The following NAV2 variants were observed in gnomAD, a reference collection of about 807,000 sequenced individuals.
The protein encoded by NAV2 is neuron navigator 2, also known as helicase, APC down-regulated 1.
Under a neutral mutation model 223.2 loss-of-function variants are expected in NAV2, and 54 were observed. The observed-to-expected ratio is 0.24, with a 90% CI of 0.19 to 0.30. NAV2 has a LOEUF of 0.30. Among genes scored for constraint, NAV2 ranks in the 10% least tolerant of loss-of-function variants. The pLI is 1.00. For synonymous variants in NAV2, 1,279 were observed against 1,239.3 expected, an observed-to-expected ratio of 1.03 and a Z score of -0.67; for missense variants, 2,806 against 3,147.5, an observed-to-expected ratio of 0.89 and a Z score of 2.60.
chr11:19,504,438 C>T (rs1269214605), intron 1 of NAV2: 1 of 152,156 alleles, frequency 6.6e-6, no homozygotes, highest in Non-Finnish European at 1.5e-5. Context: ...AAACTTAAAC[C>T]TTTATTCATG....
At chr11:20,018,780 T>G (rs2054232519) in intron 11 of NAV2, among the ~76,000 whole-genome samples, 2 of 152,130 alleles carry the variant, frequency 1.3e-5, no homozygotes, top group African/African-American at 4.8e-5. Context: ...GTTGATGCCA[T>G]GAAGAAAATC....
At chr11:19,896,126 G>T (rs571741834) in intron 6 of NAV2, among the ~76,000 whole-genome samples, 1 of 152,200 alleles carries the variant, frequency 6.6e-6, no homozygotes, top group African/African-American at 2.4e-5. Context: ...TCAGGATCTG[G>T]CATTGCACTC....
At chr11:19,978,502 C>T (rs1363921445) in intron 10 of NAV2, among the ~76,000 whole-genome samples, 1 of 152,178 alleles carries the variant, frequency 6.6e-6, no homozygotes, top group East Asian at 1.9e-4. Flanking sequence ...ATTACACACA[C>T]ATTTGTAATT....
Position 20,089,278 on chromosome 11 carries a change from A to G in NAV2, c.5499-1587A>G, listed in dbSNP as rs180960958. ...ACTTTTAAAAACATAAGGTGGTTTTACCGTGTCTCTCAAATCAAAAAAGTT... is the reference window on the plus strand; with the variant it reads ...ACTTTTAAAAACATAAGGTGGTTTTGCCGTGTCTCTCAAATCAAAAAAGTT... On this transcript the variant is annotated intron_variant, in intron 26 of 37. Transcript: ENST00000349880. Among the ~76,000 whole-genome samples the G allele has an allele frequency of 1.4e-3, 217 of 152,338 alleles. No individual in the cohort carries two copies. In the Middle Eastern group the frequency reaches 0.02, roughly 14 times the overall value.
rs183642837 is a variant in NAV2 at position 19,830,452 on chromosome 11, T to A, written c.268-2032T>A. On this transcript the variant is annotated intron_variant, in intron 1 of 37. Coordinates refer to ENST00000349880, the MANE Select transcript of NAV2 (RefSeq NM_145117.5). ...TTATTTGTGACCTTGGACAGGTTACTTTACCTTTCTGCTCTTCAGTTTTCT... is the reference window on the plus strand; with the variant it reads ...TTATTTGTGACCTTGGACAGGTTACATTACCTTTCTGCTCTTCAGTTTTCT... 3.2e-4 allele frequency among the ~76,000 whole-genome samples: 49 copies of A among 152,322 alleles called. 1 individual carries two copies. Among genetic ancestry groups the A allele is most frequent in the African/African-American group, 1.2e-3 (49 of 41,578 alleles).
chr11:19,888,044 C>T (rs2041174121), intron 5 of NAV2, among the ~76,000 whole-genome samples: 1 of 151,872 alleles, frequency 6.6e-6, no homozygotes, highest in Non-Finnish European at 1.5e-5. Flanking sequence ...TTTTACTGCT[C>T]TGCTTAATTG....
intron 1 of NAV2, among the ~76,000 whole-genome samples, chr11:19,450,160 G>T (rs2133783631): frequency 6.6e-6 from 1 of 152,254 alleles, no homozygotes; most frequent in African/African-American, 2.4e-5. Flanking sequence ...GAGCTGCAGG[G>T]GTGAGCAGCC....
Position 19,832,489 on chromosome 11 carries a change from C to T in NAV2, c.273C>T (p.Tyr91=), listed in dbSNP as rs1405276230. 5 of 1,613,338 alleles carry T rather than the reference C, an allele frequency of 3.1e-6. No individual in the cohort carries two copies. The African/African-American group carries it at 6.7e-5, about 22-fold the overall frequency. ...CCTGTTTGCTTTTTTTACAGATCTA[C>T]ACAGACTGGGCCAATCATTACCTAG... ...SVENGFDTQI[Y]TDWANHYLAK... The change falls in exon 2 of 38, where the codon TAC becomes TAT. Residue 91 remains tyrosine (Y), a synonymous_variant. Transcript: ENST00000349880.
intron 1 of NAV2, among the ~76,000 whole-genome samples, chr11:19,567,465 C>G (rs2045302937): frequency 6.6e-6 from 1 of 152,226 alleles, no homozygotes; most frequent in Admixed American, 6.5e-5. Context: ...TCCCTTCTCT[C>G]TTTTCCCATC....
intron 1 of NAV2, among the ~76,000 whole-genome samples, chr11:19,352,443 C>G (rs1363164495): frequency 6.6e-6 from 1 of 152,140 alleles, no homozygotes; most frequent in Non-Finnish European, 1.5e-5. Flanking sequence ...TTCTTTTTGG[C>G]TAGGTGTAGA....
chr11:19,718,732 T>C (rs567062561), intron 1 of NAV2, among the ~76,000 whole-genome samples: 162 of 152,288 alleles, frequency 1.1e-3, no homozygotes, highest in Middle Eastern at 6.8e-3. Flanking sequence ...ACTCCATGGG[T>C]TAATTTTCTA....
chr11:19,713,398 A>G lies in NAV2; in HGVS notation c.-298A>G, dbSNP rs955399229. 3.3e-6 allele frequency: 4 copies of G among 1,207,276 alleles called. No homozygotes were observed. Among genetic ancestry groups the G allele is most frequent in the Admixed American group, 4.3e-5 (1 of 23,152 alleles). The allele number at this position is 1,207,276 out of a possible 1,614,324, so 74.8% of individuals were successfully genotyped here. ...AATTTGCAAGAGGCGGCAGCCCCTGAGCGCCCAGAGCTCTTGAAAGGCCAC... is the reference window on the plus strand; with the variant it reads ...AATTTGCAAGAGGCGGCAGCCCCTGGGCGCCCAGAGCTCTTGAAAGGCCAC... On this transcript the variant is annotated 5_prime_UTR_variant, in exon 1 of 38. Transcript: ENST00000349880. The surrounding 1 kb of genome is among the most constrained non-coding windows in gnomAD (Gnocchi z 7.2).
intron 1 of NAV2, among the ~76,000 whole-genome samples, chr11:19,570,770 T>A (rs1164906425): frequency 2.0e-5 from 3 of 152,192 alleles, no homozygotes; most frequent in African/African-American, 2.4e-5. Context: ...CTACAATTTT[T>A]AAAAAATTGA....
chr11:19,409,987 T>A (rs2133384351), intron 1 of NAV2, among the ~76,000 whole-genome samples: 1 of 152,236 alleles, frequency 6.6e-6, no homozygotes, highest in Non-Finnish European at 1.5e-5. Context: ...GGAACTTCTC[T>A]GGGACGCTCT....
intron 6 of NAV2, among the ~76,000 whole-genome samples, chr11:19,895,599 G>A (rs11025319): frequency 0.31 from 46,744 of 151,928 alleles, 7,420 homozygotes; most frequent in Middle Eastern, 0.35. Context: ...CTGTGAGAGT[G>A]TTATGTGAGC....
At chr11:19,785,065 A>T (rs143275093) in intron 1 of NAV2, among the ~76,000 whole-genome samples, 8 of 152,328 alleles carry the variant, frequency 5.3e-5, no homozygotes, top group African/African-American at 9.6e-5. Flanking sequence ...TTCTTACAGA[A>T]TGTAAGACTC....
chr11:19,422,504 G>A (rs1034672564), intron 1 of NAV2, among the ~76,000 whole-genome samples: 1 of 152,194 alleles, frequency 6.6e-6, no homozygotes, highest in African/African-American at 2.4e-5. Context: ...GGTCTGCACA[G>A]GATTGTGGGT....
chr11:19,848,310 G>A (rs2060918701), intron 3 of NAV2, among the ~76,000 whole-genome samples: 1 of 152,196 alleles, frequency 6.6e-6, no homozygotes, highest in South Asian at 2.1e-4. Flanking sequence ...CTATAAGTAG[G>A]GGTAGGTAGC....
At chr11:20,025,457 A>T (rs1402290340) in intron 11 of NAV2, among the ~76,000 whole-genome samples, 1 of 152,196 alleles carries the variant, frequency 6.6e-6, no homozygotes. Context: ...GGAGCCTTGA[A>T]GGAGAGAGGG....
Sources: gnomAD v4.1 joint callset for allele counts (sites outside exome capture counted in the v4.1 genomes callset) on GRCh38, gnomAD v4.1.1 for gene constraint, Gnocchi (gnomAD v3.1) non-coding constraint, MANE v1.5 for transcripts, NCBI Gene and HGNC (gene_info 2026-07-23, HGNC 2026-07-21) for gene names.